Variants in MTMR12 observed in about 807,000 individuals in gnomAD.
MTMR12 encodes myotubularin-related protein 12.
Under a neutral mutation model 96.7 loss-of-function variants are expected in MTMR12, and 33 were observed. That is an observed-to-expected ratio of 0.34 (90% confidence interval 0.26 to 0.46). The LOEUF (loss-of-function observed/expected upper bound fraction) is 0.46, where lower values mean the gene tolerates loss of function less well. MTMR12 is among the 20% of genes least tolerant of loss of function. MTMR12 has a pLI of 1.00. For synonymous variants in MTMR12, 298 were observed against 327.2 expected (o/e 0.91, Z 0.96); for missense variants, 721 against 896.1 (o/e 0.80, Z 2.49).
chr5:32,277,085 C>T (rs1217690608), intron 1 of MTMR12, among the ~76,000 whole-genome samples: 1 of 151,696 alleles, frequency 6.6e-6, no homozygotes, highest in Non-Finnish European at 1.5e-5. Flanking sequence ...TGGGGTTTCA[C>T]CTTGTTGGTC....
chr5:32,256,755 G>C (rs1268246897), intron 7 of MTMR12, among the ~76,000 whole-genome samples: 1 of 152,202 alleles, frequency 6.6e-6, no homozygotes, highest in Non-Finnish European at 1.5e-5. Flanking sequence ...TGCTGCATGT[G>C]TGATGTAGAT....
intron 1 of MTMR12, among the ~76,000 whole-genome samples, chr5:32,288,636 C>T (rs1030264955): frequency 1.8e-4 from 28 of 152,166 alleles, no homozygotes; most frequent in African/African-American, 6.5e-4. Flanking sequence ...GTAGAAGGAA[C>T]ATAGAGTTGG....
chr5:32,233,516 G>A lies in MTMR12; in HGVS notation c.1674+257C>T, dbSNP rs1217758266. Among the ~76,000 whole-genome samples the A allele has an allele frequency of 6.6e-6, 1 of 150,640 alleles. No homozygotes were observed. The highest frequency in any genetic ancestry group is 1.5e-5 in the Non-Finnish European group (1 of 67,890). Reference sequence around the variant, plus strand: ...CACACACAGGCAGGACAAGAGGCACGATTCCATGGAGTATGACCAGGGTGG... The same window carrying A: ...CACACACAGGCAGGACAAGAGGCACAATTCCATGGAGTATGACCAGGGTGG... On this transcript the variant is annotated intron_variant, in intron 15 of 15. Coordinates refer to ENST00000382142, the MANE Select transcript of MTMR12 (RefSeq NM_001040446.3). The surrounding 1 kb of genome is among the most constrained non-coding windows in gnomAD (Gnocchi z 5.0).
intron 1 of MTMR12, among the ~76,000 whole-genome samples, chr5:32,298,239 A>G (rs1466171198): frequency 6.6e-6 from 1 of 152,096 alleles, no homozygotes; most frequent in Non-Finnish European, 1.5e-5. Context: ...GCACCAGGAG[A>G]TGCTAGACAG....
chr5:32,312,288 C>T lies in MTMR12; in HGVS notation c.81+470G>A, dbSNP rs973960712. The stretch of plus-strand genomic sequence containing the variant: ...GGAGGCGGACGTAGGTGCAGGGCAT[C>T]CCGCCAGCCGCACCCGAGGCACTCA... On this transcript the variant is annotated intron_variant, in intron 1 of 15. Transcript: ENST00000382142. This position sits in a 1 kb window ranked among gnomAD's most constrained non-coding sequence, Gnocchi z 5.0. 4.6e-5 allele frequency among the ~76,000 whole-genome samples: 7 copies of T among 152,208 alleles called. No homozygotes were observed. The highest frequency in any genetic ancestry group is 1.0e-4 in the Non-Finnish European group (7 of 68,034).
intron 7 of MTMR12, among the ~76,000 whole-genome samples, chr5:32,258,163 A>G (rs763126426): frequency 2.1e-4 from 32 of 152,174 alleles, no homozygotes; most frequent in Non-Finnish European, 4.1e-4. Flanking sequence ...TCTTAAAAGT[A>G]ATTAATGAAG....
At chr5:32,310,907 T>C (rs1245893676) in intron 1 of MTMR12, among the ~76,000 whole-genome samples, 1 of 150,574 alleles carries the variant, frequency 6.6e-6, no homozygotes, top group Non-Finnish European at 1.5e-5. Context: ...GGAGTCTCGC[T>C]CTGTCGCCCA....
At chr5:32,259,691 A>G (rs1433468635) in intron 7 of MTMR12, among the ~76,000 whole-genome samples, 1 of 152,202 alleles carries the variant, frequency 6.6e-6, no homozygotes, top group East Asian at 1.9e-4. Context: ...AGACAGTGCA[A>G]TGAAAACTCA....
At chr5:32,254,570 C>T (rs1214275473) in intron 8 of MTMR12, among the ~76,000 whole-genome samples, 1 of 145,222 alleles carries the variant, frequency 6.9e-6, no homozygotes, top group Non-Finnish European at 1.5e-5. Context: ...AGATCTGTAT[C>T]TAGGCCAGGC....
chr5:32,309,112 T>C (rs1581654785), intron 1 of MTMR12, among the ~76,000 whole-genome samples: 1 of 152,176 alleles, frequency 6.6e-6, no homozygotes, highest in South Asian at 2.1e-4. Flanking sequence ...CTTCCCTAAT[T>C]ATCCCTCAAA....
chr5:32,261,169 G>T (rs1300715442), intron 7 of MTMR12, among the ~76,000 whole-genome samples: 5 of 151,828 alleles, frequency 3.3e-5, no homozygotes, highest in Non-Finnish European at 7.4e-5. Context: ...GGAGGCAGAG[G>T]TTGCGGTGAG....
chr5:32,268,508 T>C (rs1178693975), intron 6 of MTMR12, among the ~76,000 whole-genome samples, 193 bp downstream of exon 6: 3 of 136,206 alleles, frequency 2.2e-5, no homozygotes, highest in South Asian at 2.3e-4. Context: ...ACTCCATCTT[T>C]AAAAAAAAAA....
chr5:32,306,041 T>A (rs746392595), intron 1 of MTMR12, among the ~76,000 whole-genome samples: 1 of 152,038 alleles, frequency 6.6e-6, no homozygotes, highest in Non-Finnish European at 1.5e-5. Context: ...AGTTACCTGG[T>A]TGACAATCTA....
At chr5:32,250,285 G>A (rs1408037988) in intron 8 of MTMR12, among the ~76,000 whole-genome samples, 1 of 151,382 alleles carries the variant, frequency 6.6e-6, no homozygotes, top group East Asian at 1.9e-4. Flanking sequence ...CTAGAAATGG[G>A]AGCTGATGGT....
In MTMR12 at chr5:32,258,903, A is replaced by AC. The variant is rs1749245434; in HGVS notation, c.714-3136_714-3135insG. On this transcript the variant is annotated intron_variant, in intron 7 of 15. Transcript: ENST00000382142. ...AGTTTTCTTATAGATGGTCTTTCAC[A>AC]AAAAAAAAAAAAAAAAAAAAAGTCA... Among the ~76,000 whole-genome samples, 3 of 45,952 alleles carry AC rather than the reference A, an allele frequency of 6.5e-5. No homozygotes were observed. The South Asian group carries it at 2.3e-3, about 35-fold the overall frequency. 30.1% of individuals were successfully genotyped at this position (45,952 alleles called of 152,430 possible).
intron 5 of MTMR12, among the ~76,000 whole-genome samples, chr5:32,269,175 C>T (rs887820771): frequency 6.6e-6 from 1 of 151,936 alleles, no homozygotes; most frequent in Non-Finnish European, 1.5e-5. Context: ...TACAGGCCTG[C>T]ATCATCACGC....
intron 1 of MTMR12, among the ~76,000 whole-genome samples, chr5:32,280,582 T>C (rs1164977450): frequency 6.6e-6 from 1 of 152,232 alleles, no homozygotes; most frequent in African/African-American, 2.4e-5. Flanking sequence ...AAGTAGAAAG[T>C]TGTATTTTTT....
intron 1 of MTMR12, among the ~76,000 whole-genome samples, chr5:32,289,933 G>A (rs1750680379): frequency 6.6e-6 from 1 of 152,228 alleles, no homozygotes; most frequent in South Asian, 2.1e-4. Context: ...CGCAGGGGTA[G>A]TGATTCCCAC....
chr5:32,269,693 G>A (rs999415292), intron 5 of MTMR12, among the ~76,000 whole-genome samples: 16 of 152,110 alleles, frequency 1.1e-4, no homozygotes, highest in African/African-American at 1.9e-4. Flanking sequence ...GCTAAAAAAC[G>A]TAAGTGCCAC....
Sources: gnomAD v4.1 joint callset for allele counts (sites outside exome capture counted in the v4.1 genomes callset) on GRCh38, gnomAD v4.1.1 for gene constraint, Gnocchi (gnomAD v3.1) non-coding constraint, MANE v1.5 for transcripts, NCBI Gene and HGNC (gene_info 2026-07-23, HGNC 2026-07-21) for gene names.